RPS6KC1: variants seen among roughly 807,000 people sequenced by gnomAD.
RPS6KC1 encodes inactive ribosomal protein S6 kinase delta-1.
RPS6KC1 carries 54 observed loss-of-function variants against 103.8 expected under a neutral mutation model. The ratio of observed to expected loss-of-function variants is 0.52; its 90% confidence interval spans 0.42 to 0.65. RPS6KC1 has a LOEUF of 0.65. RPS6KC1 is among the 30% of genes least tolerant of loss of function. The probability of loss-of-function intolerance (pLI) is 0.00; values close to 1 mark genes in which losing one functional copy is unlikely to be tolerated. For synonymous variants in RPS6KC1, 439 were observed against 438.7 expected (o/e 1.00, Z -0.01); for missense variants, 1,151 against 1,253.8 (o/e 0.92, Z 1.24).
At position 213,201,805 on chromosome 1, in the gene RPS6KC1, G is replaced by A. The variant is rs78325203; in HGVS notation, c.1044+25313G>A. Among the ~76,000 whole-genome samples the A allele has an allele frequency of 9.2e-3, 1,403 of 152,306 alleles. 44 individuals carry two copies. The highest frequency in any genetic ancestry group is 0.07 in the East Asian group (365 of 5,186). On this transcript the variant is annotated intron_variant, in intron 8 of 14. Coordinates refer to ENST00000366960, the MANE Select transcript of RPS6KC1 (RefSeq NM_012424.6). ...CACTGCCATGTTTGGTGAAAGGCATGTGGTACCTTCAATAGTGTGCCTTCA... is the reference window on the plus strand; with the variant it reads ...CACTGCCATGTTTGGTGAAAGGCATATGGTACCTTCAATAGTGTGCCTTCA...
the RPS6KC1 span, among the ~76,000 whole-genome samples, chr1:213,859,086 T>G: frequency 6.6e-6 from 1 of 152,234 alleles, no homozygotes; most frequent in Non-Finnish European, 1.5e-5. Context: ...GACCAAGGCA[T>G]GCATCATTTG....
chr1:213,284,063 G>A, the RPS6KC1 span, among the ~76,000 whole-genome samples: 2 of 151,826 alleles, frequency 1.3e-5, no homozygotes, highest in Non-Finnish European at 2.9e-5. Context: ...ACAAAACAGA[G>A]TAAAACTAAT....
chr1:213,094,771 T>C (rs2081301235), intron 3 of RPS6KC1, among the ~76,000 whole-genome samples: 1 of 152,208 alleles, frequency 6.6e-6, no homozygotes, highest in Non-Finnish European at 1.5e-5. Context: ...TAAGACAAGA[T>C]CACTCCATGT....
chr1:213,222,092 AT>A lies in RPS6KC1; in HGVS notation c.1045-8404del, dbSNP rs140386847. 4.3e-3 allele frequency among the ~76,000 whole-genome samples: 659 copies of A among 152,324 alleles called. 4 individuals carry two copies. The highest frequency in any genetic ancestry group is 0.015 in the African/African-American group (635 of 41,580). ...GCAGAAATTGATGCAGCGACTTCTG[AT>A]GAGCTAAAGCTGTAGGCACAACATA... On this transcript the variant is annotated intron_variant, in intron 8 of 14. Transcript: ENST00000366960.
intron 12 of RPS6KC1, among the ~76,000 whole-genome samples, chr1:213,250,543 T>A (rs1259967752): frequency 6.6e-6 from 1 of 152,176 alleles, no homozygotes; most frequent in Non-Finnish European, 1.5e-5. Context: ...AATTCCAGGC[T>A]CTAGTTAGTC....
the RPS6KC1 span, among the ~76,000 whole-genome samples, chr1:213,523,813 T>G: frequency 6.6e-6 from 1 of 152,172 alleles, no homozygotes; most frequent in Non-Finnish European, 1.5e-5. Context: ...CCCGATCTAA[T>G]CAGGGGATTG....
the RPS6KC1 span, among the ~76,000 whole-genome samples, chr1:213,723,746 A>G: frequency 1.2e-4 from 19 of 152,318 alleles, no homozygotes; most frequent in East Asian, 7.7e-4. Context: ...TAAATTGAGC[A>G]CCCAATTGCA....
At chr1:213,678,787 T>C in the RPS6KC1 span, among the ~76,000 whole-genome samples, 1 of 152,216 alleles carries the variant, frequency 6.6e-6, no homozygotes, top group Non-Finnish European at 1.5e-5. Context: ...TGATTTAATC[T>C]TTACTTGGGA....
At chr1:213,056,316 T>C (rs977803657) in intron 1 of RPS6KC1, among the ~76,000 whole-genome samples, 11 of 152,204 alleles carry the variant, frequency 7.2e-5, no homozygotes, top group Admixed American at 5.9e-4. Context: ...CAGGGTCATA[T>C]AGCCAGCAAG....
the RPS6KC1 span, among the ~76,000 whole-genome samples, chr1:213,692,285 C>T: frequency 6.6e-6 from 1 of 151,748 alleles, no homozygotes; most frequent in Non-Finnish European, 1.5e-5. Context: ...GTCCCAGGTA[C>T]CCAGGAGGCT....
chr1:213,732,348 A>AGT, the RPS6KC1 span, among the ~76,000 whole-genome samples: 87 of 79,120 alleles, frequency 1.1e-3, no homozygotes, highest in East Asian at 9.7e-3. Flanking sequence ...TGTATGTATG[A>AGT]GTGTGCGTGT....
chr1:213,678,371 G>A, the RPS6KC1 span, among the ~76,000 whole-genome samples: 3 of 152,258 alleles, frequency 2.0e-5, no homozygotes, highest in Non-Finnish European at 4.4e-5. Context: ...GTGTCATTCA[G>A]GGTCCTGCTC....
At chr1:213,744,574 A>T in the RPS6KC1 span, among the ~76,000 whole-genome samples, 1 of 152,030 alleles carries the variant, frequency 6.6e-6, no homozygotes. Context: ...GTTATTCCTT[A>T]GTTTCTTTAT....
chr1:213,672,265 G>T, the RPS6KC1 span, among the ~76,000 whole-genome samples: 1 of 152,176 alleles, frequency 6.6e-6, no homozygotes, highest in Non-Finnish European at 1.5e-5. Flanking sequence ...ACCCATATTT[G>T]GCCACAACCT....
the RPS6KC1 span, among the ~76,000 whole-genome samples, chr1:213,472,116 A>G: frequency 3.3e-5 from 5 of 152,200 alleles, no homozygotes; most frequent in Non-Finnish European, 7.3e-5. Context: ...GCATTTCTGA[A>G]AGTGGAGTGG....
chr1:213,062,363 T>C (rs1223237798), intron 1 of RPS6KC1, among the ~76,000 whole-genome samples: 1 of 152,230 alleles, frequency 6.6e-6, no homozygotes, highest in African/African-American at 2.4e-5. Flanking sequence ...ATTTCATGTA[T>C]GTGCAAATAT....
At chr1:213,234,412 C>G (rs1437426501) in intron 10 of RPS6KC1, among the ~76,000 whole-genome samples, 5 of 152,112 alleles carry the variant, frequency 3.3e-5, no homozygotes, top group African/African-American at 4.8e-5. Context: ...AAAGGGAGAT[C>G]TAATAGATAA....
the RPS6KC1 span, among the ~76,000 whole-genome samples, chr1:213,656,000 C>T: frequency 6.6e-6 from 1 of 152,186 alleles, no homozygotes; most frequent in African/African-American, 2.4e-5. Context: ...TTCTAAGATA[C>T]AAATACTTCG....
In RPS6KC1 at chr1:213,175,267, T is replaced by G. The variant is rs556354438; in HGVS notation, c.952-1133T>G. Among the ~76,000 whole-genome samples, 3 of 152,308 alleles carry G rather than the reference T, an allele frequency of 2.0e-5. No homozygotes were observed. The South Asian group carries it at 6.2e-4, about 32-fold the overall frequency. Reference sequence around the variant, plus strand: ...TGAATATAGACATGACTAAGGCACATTTCTATTCTCAAGGAGCTGCCTGTC... The same window carrying G: ...TGAATATAGACATGACTAAGGCACAGTTCTATTCTCAAGGAGCTGCCTGTC... On this transcript the variant is annotated intron_variant, in intron 7 of 14. Transcript: ENST00000366960.
Sources: gnomAD v4.1 joint callset for allele counts (sites outside exome capture counted in the v4.1 genomes callset) on GRCh38, gnomAD v4.1.1 for gene constraint, MANE v1.5 for transcripts, NCBI Gene and HGNC (gene_info 2026-07-23, HGNC 2026-07-21) for gene names.